The following NPHP4 variants were observed in gnomAD, a reference collection of about 807,000 sequenced individuals.
The protein encoded by NPHP4 is nephrocystin 4.
NPHP4 carries 151 observed loss-of-function variants against 155.8 expected under a neutral mutation model. The ratio of observed to expected loss-of-function variants is 0.97; its 90% CI spans 0.85 to 1.11. The LOEUF (loss-of-function observed/expected upper bound fraction) is 1.11. NPHP4 is among the 50% of genes least tolerant of loss of function. NPHP4 has a pLI of 0.00. For missense variants in NPHP4, 1,956 were observed against 1,925.7 expected (o/e 1.02, Z -0.29); for synonymous variants, 845 against 816.8 (o/e 1.03, Z -0.59).
At chr1:5,880,923 A>C (rs1236526570) in intron 18 of NPHP4, 1 of 152,534 alleles carries the variant, frequency 6.6e-6, no homozygotes, top group Non-Finnish European at 1.5e-5. Context: ...CCGCCAACGA[A>C]GCTGTGTCCC....
chr1:5,875,173 C>T, intron 20 of NPHP4, 73 bp from the exon 21 acceptor site: 3 of 1,109,236 alleles, frequency 2.7e-6, no homozygotes, highest in South Asian at 2.7e-5. Context: ...TGCTGGCTGC[C>T]CACCACCCGC....
intron 11 of NPHP4, among the ~76,000 whole-genome samples, chr1:5,913,375 T>C (rs1467353982): frequency 2.0e-5 from 3 of 152,156 alleles, no homozygotes; most frequent in Non-Finnish European, 2.9e-5. Context: ...AAGAAAAACT[T>C]AGACTTCCCA....
chr1:5,875,558 C>T (rs1343421441), intron 20 of NPHP4, among the ~76,000 whole-genome samples: 6 of 152,202 alleles, frequency 3.9e-5, no homozygotes, highest in East Asian at 3.8e-4. Context: ...TCGGTCACAC[C>T]GGGTCAGAGT....
At chr1:5,869,215 ATACACATCCACCCACATG>A (rs1641721512) in intron 23 of NPHP4, among the ~76,000 whole-genome samples, 1 of 147,864 alleles carries the variant, frequency 6.8e-6, no homozygotes, top group African/African-American at 2.5e-5. Flanking sequence ...ACCCACATGC[ATACACATCCACCCACATG>A]CACACACACA....
chr1:5,866,357 A>T lies in NPHP4; in HGVS notation c.3644+16T>A, dbSNP rs767351326. On this transcript the variant is annotated intron_variant, in intron 26 of 29. Transcript: ENST00000378156. Reference sequence around the variant, plus strand: ...CTCCGCCACCGCCTCCAGGTCCCCAAAGCCTGTGCACTTACGAGTAAATGA... The same window carrying T: ...CTCCGCCACCGCCTCCAGGTCCCCATAGCCTGTGCACTTACGAGTAAATGA... 1.3e-6 allele frequency: 2 copies of T among 1,565,506 alleles called. No individual in the cohort carries two copies. The highest frequency in any genetic ancestry group is 1.8e-6 in the Non-Finnish European group (2 of 1,141,666).
At chr1:5,979,685 G>A (rs1176339833) in intron 2 of NPHP4, among the ~76,000 whole-genome samples, 1 of 151,992 alleles carries the variant, frequency 6.6e-6, no homozygotes, top group Non-Finnish European at 1.5e-5. Flanking sequence ...ACCACACCCG[G>A]CTAATTTTTG....
intron 6 of NPHP4, among the ~76,000 whole-genome samples, chr1:5,958,554 G>C (rs1046711913): frequency 9.9e-5 from 15 of 152,104 alleles, no homozygotes; most frequent in Non-Finnish European, 1.9e-4. Context: ...AATTAGCTGG[G>C]CATGGTCGTG....
At position 5,864,322 on chromosome 1, in the gene NPHP4, T is replaced by C; in HGVS notation, c.3996+16A>G. On this transcript the variant is annotated intron_variant, in intron 28 of 29. Coordinates refer to ENST00000378156, the MANE Select transcript of NPHP4 (RefSeq NM_015102.5). ...AGCCCCCATCCCCTCAGCCTGTGCCTGCCACACATACAGACCTTGGAGATG... is the reference window on the plus strand; with the variant it reads ...AGCCCCCATCCCCTCAGCCTGTGCCCGCCACACATACAGACCTTGGAGATG... 8 of 1,584,722 alleles carry C rather than the reference T, an allele frequency of 5.0e-6. No individual in the cohort carries two copies. Among genetic ancestry groups the C allele is most frequent in the Non-Finnish European group, 6.9e-6 (8 of 1,162,072 alleles).
chr1:5,955,795 T>G (rs184255675), intron 6 of NPHP4, among the ~76,000 whole-genome samples: 21 of 152,304 alleles, frequency 1.4e-4, no homozygotes, highest in Non-Finnish European at 2.9e-4. Flanking sequence ...ACAGTCTAAA[T>G]TCTGCTGTTC....
intron 3 of NPHP4, among the ~76,000 whole-genome samples, chr1:5,971,604 CG>C (rs1439355623): frequency 1.3e-5 from 2 of 152,196 alleles, no homozygotes; most frequent in African/African-American, 4.8e-5. Context: ...CTGCACCCCT[CG>C]GGTCACCCCA....
At chr1:5,988,045 G>C (rs1379652187) in intron 1 of NPHP4, among the ~76,000 whole-genome samples, 1 of 152,220 alleles carries the variant, frequency 6.6e-6, no homozygotes, top group Non-Finnish European at 1.5e-5. Context: ...TCAATAGTTG[G>C]AAGGTCTGCA....
intron 9 of NPHP4, among the ~76,000 whole-genome samples, chr1:5,935,631 T>C (rs1646498209): frequency 6.6e-6 from 1 of 152,106 alleles, no homozygotes; most frequent in South Asian, 2.1e-4. Context: ...TCCCAGCACT[T>C]TGGGAGGTCG....
chr1:5,905,455 T>C lies in NPHP4; in HGVS notation c.1792A>G (p.Met598Val), dbSNP rs926493923. 28 of 1,607,642 alleles carry C rather than the reference T, an allele frequency of 1.7e-5. No individual in the cohort carries two copies. The highest frequency in any genetic ancestry group is 2.0e-5 in the Non-Finnish European group (23 of 1,174,584). The change falls in exon 15 of 30, where the codon ATG (methionine) becomes GTG (valine). Residue 598 changes from methionine (M) to valine (V), a missense_variant. Met to Val is a conservative substitution (Grantham distance 21). Transcript: ENST00000378156. The surrounding 1 kb of genome is among the most constrained non-coding windows in gnomAD (Gnocchi z 4.0). ...AAGCCGGAGGACTGCAGGAGCACCA[T>C]GGAGGCTCTCGAGGGCTGCCCTGCA... ...SSAGQPSRAS[M>V]VLLQSSGFPE...
chr1:5,912,537 CAAAAAA>C (rs752371714), intron 11 of NPHP4, among the ~76,000 whole-genome samples: 1 of 77,902 alleles, frequency 1.3e-5, no homozygotes, highest in East Asian at 5.0e-4. Context: ...GACTCCGTCT[CAAAAAA>C]AAAAAAAAAA....
chr1:5,981,196 T>C (rs1305553119), intron 2 of NPHP4, among the ~76,000 whole-genome samples: 1 of 152,062 alleles, frequency 6.6e-6, no homozygotes, highest in Non-Finnish European at 1.5e-5. Context: ...AGGAGGCCAT[T>C]CTCAGGCAGG....
At chr1:5,899,601 T>C (rs1276889882) in intron 16 of NPHP4, among the ~76,000 whole-genome samples, 3 of 152,150 alleles carry the variant, frequency 2.0e-5, no homozygotes, top group Non-Finnish European at 2.9e-5. Flanking sequence ...TTATACCTTT[T>C]ATAAAAATTA....
rs753733095 is a variant in NPHP4, at chr1:5,905,727, G to A, written c.1668C>T (p.Thr556=). 123 of 1,613,448 alleles carry A rather than the reference G, an allele frequency of 7.6e-5. No homozygotes were observed. Among genetic ancestry groups the A allele is most frequent in the Non-Finnish European group, 1.0e-4 (118 of 1,179,684 alleles). The change falls in exon 14 of 30, where the codon ACC becomes ACT. Residue 556 remains threonine (T), a synonymous_variant. Coordinates refer to ENST00000378156, the MANE Select transcript of NPHP4 (RefSeq NM_015102.5). The surrounding 1 kb of genome is among the most constrained non-coding windows in gnomAD (Gnocchi z 4.0). The part of the protein sequence containing the change: ...ISHLEADLSQ[T]SLVLETSIAE... Reference sequence around the variant, plus strand: ...CAATGGATGTTTCCAGGACCAGGGAGGTCTGGCTCAGGTCGGCTTCCAGGT... The same window carrying A: ...CAATGGATGTTTCCAGGACCAGGGAAGTCTGGCTCAGGTCGGCTTCCAGGT...
intron 23 of NPHP4, 30 bp downstream of exon 23, chr1:5,873,222 A>AG: frequency 6.3e-7 from 1 of 1,576,872 alleles, no homozygotes; most frequent in South Asian, 1.1e-5. Flanking sequence ...GGAAGCCCCG[A>AG]GATCAGTTTG....
At chr1:5,953,659 G>A (rs115748491) in intron 6 of NPHP4, among the ~76,000 whole-genome samples, 6,529 of 152,306 alleles carry the variant, frequency 0.043, 446 homozygotes, top group African/African-American at 0.15. Context: ...CCATCCAGAG[G>A]ACAGTGGCCC....
Sources: gnomAD v4.1 joint callset for allele counts (sites outside exome capture counted in the v4.1 genomes callset) on GRCh38, gnomAD v4.1.1 for gene constraint, Gnocchi (gnomAD v3.1) non-coding constraint, MANE v1.5 for transcripts, NCBI Gene and HGNC (gene_info 2026-07-23, HGNC 2026-07-21) for gene names.